The following CSMD1 variants were observed in gnomAD, a reference collection of about 807,000 sequenced individuals.
CSMD1 encodes CUB and Sushi multiple domains 1, also known as CUB and sushi domain-containing protein 1.
CSMD1 carries 213 observed loss-of-function variants against 417.5 expected under a neutral mutation model. That is an observed-to-expected ratio of 0.51 (90% CI 0.46 to 0.57). CSMD1 has a LOEUF of 0.57. Ranked by LOEUF, CSMD1 falls within the 20% of genes least tolerant of loss-of-function variation. The pLI is 0.00. For synonymous variants in CSMD1, 2,862 were observed against 1,736.8 expected, an observed-to-expected ratio of 1.65 and a Z score of -16.11; for missense variants, 6,923 against 4,529.7, an observed-to-expected ratio of 1.53 and a Z score of -15.17.
At chr8:3,761,830 TTTC>T (rs1479779179) in intron 5 of CSMD1, among the ~76,000 whole-genome samples, 1 of 152,050 alleles carries the variant, frequency 6.6e-6, no homozygotes, top group African/African-American at 2.4e-5. Context: ...CTACAAGTCA[TTTC>T]TTCCACCCGG....
At chr8:3,112,548 A>T (rs1276159044) in intron 42 of CSMD1, among the ~76,000 whole-genome samples, 2 of 152,214 alleles carry the variant, frequency 1.3e-5, no homozygotes, top group African/African-American at 4.8e-5. Flanking sequence ...GATTCTTGCC[A>T]TGATTTATCT....
At chr8:4,851,405 T>G (rs1231157459) in intron 1 of CSMD1, among the ~76,000 whole-genome samples, 1 of 152,260 alleles carries the variant, frequency 6.6e-6, no homozygotes, top group South Asian at 2.1e-4. Flanking sequence ...TTTTTGTTTT[T>G]TTCCTGGCTG....
chr8:3,345,284 A>G (rs1374662817), intron 22 of CSMD1, among the ~76,000 whole-genome samples: 1 of 152,202 alleles, frequency 6.6e-6, no homozygotes, highest in Non-Finnish European at 1.5e-5. Context: ...CTTCATGGTT[A>G]CAACCACTAA....
chr8:4,928,624 G>A (rs1807036231), intron 1 of CSMD1, among the ~76,000 whole-genome samples: 1 of 152,154 alleles, frequency 6.6e-6, no homozygotes, highest in Non-Finnish European at 1.5e-5. Context: ...GAAGTAACTG[G>A]CTCATAGTAA....
chr8:4,840,617 T>G (rs1340303864), intron 1 of CSMD1, among the ~76,000 whole-genome samples: 1 of 152,158 alleles, frequency 6.6e-6, no homozygotes. Flanking sequence ...ACAGCAGAAT[T>G]ACATTACCGA....
intron 8 of CSMD1, among the ~76,000 whole-genome samples, chr8:3,609,369 C>G (rs1241760151): frequency 1.3e-5 from 2 of 152,204 alleles, no homozygotes; most frequent in South Asian, 2.1e-4. Context: ...GATGAATACA[C>G]TTTGTCTTTT....
intron 41 of CSMD1, among the ~76,000 whole-genome samples, chr8:3,135,185 C>T (rs1006475205): frequency 1.3e-5 from 2 of 152,158 alleles, no homozygotes; most frequent in Admixed American, 1.3e-4. Flanking sequence ...CAAAGTGCTG[C>T]AATTTATTTT....
chr8:4,891,323 A>G (rs1030341712), intron 1 of CSMD1, among the ~76,000 whole-genome samples: 57 of 152,166 alleles, frequency 3.7e-4, no homozygotes, highest in Non-Finnish European at 1.9e-4. Flanking sequence ...ATGTAACCTT[A>G]CTTGAAAGAC....
At chr8:4,300,666 T>C (rs779594342) in intron 3 of CSMD1, among the ~76,000 whole-genome samples, 13 of 152,170 alleles carry the variant, frequency 8.5e-5, no homozygotes, top group Non-Finnish European at 1.6e-4. Flanking sequence ...GTATATCTCC[T>C]AATGCTATCT....
intron 2 of CSMD1, among the ~76,000 whole-genome samples, chr8:4,503,941 C>T (rs1360867493): frequency 1.5e-5 from 2 of 134,812 alleles, no homozygotes; most frequent in East Asian, 4.3e-4. Context: ...GGAATCATCA[C>T]ATAATCCAGC....
At chr8:4,948,241 T>A (rs1808497031) in intron 1 of CSMD1, among the ~76,000 whole-genome samples, 1 of 152,044 alleles carries the variant, frequency 6.6e-6, no homozygotes, top group Admixed American at 6.5e-5. Flanking sequence ...AGTATCAAGG[T>A]TTTAATTTTT....
chr8:4,620,474 C>A (rs1430115093), intron 2 of CSMD1, among the ~76,000 whole-genome samples: 2 of 151,466 alleles, frequency 1.3e-5, no homozygotes, highest in African/African-American at 2.4e-5. Flanking sequence ...ACTTTTATAG[C>A]TGAACTATAA....
At chr8:4,399,399 G>C (rs538027114) in intron 3 of CSMD1, among the ~76,000 whole-genome samples, 2 of 152,274 alleles carry the variant, frequency 1.3e-5, no homozygotes, top group African/African-American at 4.8e-5. Flanking sequence ...ACATAGGCAA[G>C]GGCTAAAGAG....
chr8:3,106,398 C>G (rs1386056636), intron 46 of CSMD1, 130 bp downstream of exon 46: 6 of 598,836 alleles, frequency 1.0e-5, no homozygotes, highest in African/African-American at 1.9e-5. Context: ...ACCCTATCTC[C>G]AAGATAAATA....
At chr8:3,956,874 G>A (rs1473801258) in intron 5 of CSMD1, among the ~76,000 whole-genome samples, 2 of 152,128 alleles carry the variant, frequency 1.3e-5, no homozygotes, top group Admixed American at 6.5e-5. Flanking sequence ...TTGGAATGCT[G>A]CAAATGTACA....
intron 54 of CSMD1, among the ~76,000 whole-genome samples, chr8:2,980,569 G>C (rs1034952875): frequency 1.4e-4 from 21 of 151,530 alleles, no homozygotes; most frequent in South Asian, 6.2e-4. Context: ...TTATTTACTG[G>C]TGCAGTAACA....
chr8:4,980,861 A>T (rs1456413003), intron 1 of CSMD1, among the ~76,000 whole-genome samples: 3 of 151,892 alleles, frequency 2.0e-5, no homozygotes, highest in Non-Finnish European at 4.4e-5. Flanking sequence ...CGAAGATCGC[A>T]CCACTGCACT....
intron 7 of CSMD1, among the ~76,000 whole-genome samples, chr8:3,619,576 T>C (rs1191528053): frequency 6.6e-6 from 1 of 152,126 alleles, no homozygotes; most frequent in Non-Finnish European, 1.5e-5. Flanking sequence ...AGGAAAGACA[T>C]AGATGTACAA....
chr8:3,009,197 G>T (rs1003546731), intron 52 of CSMD1, among the ~76,000 whole-genome samples: 1 of 152,196 alleles, frequency 6.6e-6, no homozygotes, highest in African/African-American at 2.4e-5. Flanking sequence ...CCCTAGAGGG[G>T]CCTACTTGAA....
Sources: gnomAD v4.1 joint callset for allele counts (sites outside exome capture counted in the v4.1 genomes callset) on GRCh38, gnomAD v4.1.1 for gene constraint, MANE v1.5 for transcripts, NCBI Gene and HGNC (gene_info 2026-07-23, HGNC 2026-07-21) for gene names.